PLCG2: variants seen among roughly 807,000 people sequenced by gnomAD.
The protein encoded by PLCG2 is phospholipase C gamma 2, also known as 1-phosphatidylinositol 4,5-bisphosphate phosphodiesterase gamma-2.
PLCG2 carries 69 observed loss-of-function variants against 175.6 expected under a neutral mutation model. The observed-to-expected ratio is 0.39, with a 90% CI of 0.32 to 0.48. The LOEUF is 0.48. PLCG2 is among the 20% of genes least tolerant of loss of function. The probability of loss-of-function intolerance (pLI) is 0.91; values close to 1 mark genes in which losing one functional copy is unlikely to be tolerated. For missense variants in PLCG2, 1,798 were observed against 1,650.9 expected, an observed-to-expected ratio of 1.09 and a Z score of -1.54; for synonymous variants, 827 against 624.0, an observed-to-expected ratio of 1.33 and a Z score of -4.85.
chr16:81,942,374 C>G (rs4485363), intron 30 of PLCG2, among the ~76,000 whole-genome samples: 151,120 of 152,356 alleles, frequency 0.99, 74,966 homozygotes, highest in East Asian at 1. Context: ...ATGTGACCTT[C>G]TCCTCCCCCG....
intron 1 of PLCG2, among the ~76,000 whole-genome samples, chr16:81,748,559 TA>T (rs1385279519): frequency 1.3e-5 from 2 of 152,104 alleles, no homozygotes; most frequent in African/African-American, 4.8e-5. Context: ...GAGGGGACAT[TA>T]GGGGTAAACA....
chr16:81,929,331 G>T (rs73596897), intron 24 of PLCG2, among the ~76,000 whole-genome samples: 7,855 of 152,296 alleles, frequency 0.052, 674 homozygotes, highest in African/African-American at 0.18. Flanking sequence ...CTAGGACTCA[G>T]GTGACAGCAG....
In PLCG2 at chr16:81,910,020, T is replaced by A. The variant is rs12927160; in HGVS notation, c.1734-500T>A. Among the ~76,000 whole-genome samples, 299 of 112,024 alleles carry A rather than the reference T, an allele frequency of 2.7e-3. 2 individuals are homozygous for A. Among genetic ancestry groups the A allele is most frequent in the Non-Finnish European group, 4.5e-3 (248 of 55,592 alleles). 73.5% of individuals were successfully genotyped at this position (112,024 alleles called of 152,430 possible). A position where few individuals can be genotyped will look rare whatever the true frequency, so the allele number is the denominator to read the frequency against. On this transcript the variant is annotated intron_variant, in intron 17 of 32. Transcript: ENST00000564138. ...AAAAGGGGGATGGGGTGGGGTGGGG[T>A]GGGGGAAGTAGGTAGAATGTTCTGG...
At chr16:81,865,787 CCAGGA>C (rs1907200793) in intron 5 of PLCG2, among the ~76,000 whole-genome samples, 1 of 150,220 alleles carries the variant, frequency 6.7e-6, no homozygotes. Context: ...TCCCTTGCTC[CCAGGA>C]TGGGCTCCAC....
chr16:81,757,992 T>C (rs1019930175), intron 2 of PLCG2, among the ~76,000 whole-genome samples: 3 of 152,232 alleles, frequency 2.0e-5, no homozygotes, highest in Non-Finnish European at 2.9e-5. Context: ...GTTTTGTTTT[T>C]TGAGGCACTG....
Position 81,952,171 on chromosome 16 carries a change from A to G in PLCG2, c.3571-4524A>G, listed in dbSNP as rs545751935. 1.1e-4 allele frequency among the ~76,000 whole-genome samples: 17 copies of G among 152,244 alleles called. No homozygotes were observed. In the South Asian group the frequency reaches 3.3e-3, roughly 30 times the overall value. Reference sequence around the variant, plus strand: ...AAATCTTATTAAAAAACAAAACACCATGTGAACAAGTAGAAATTTATACCA... The same window carrying G: ...AAATCTTATTAAAAAACAAAACACCGTGTGAACAAGTAGAAATTTATACCA... On this transcript the variant is annotated intron_variant, in intron 31 of 32. Coordinates refer to ENST00000564138, the MANE Select transcript of PLCG2 (RefSeq NM_002661.5).
chr16:81,837,402 G>C (rs1382642913), intron 2 of PLCG2, among the ~76,000 whole-genome samples: 1 of 152,224 alleles, frequency 6.6e-6, no homozygotes, highest in Admixed American at 6.5e-5. Context: ...CTGGGTTTCA[G>C]TGCCCAGCTT....
intron 9 of PLCG2, among the ~76,000 whole-genome samples, chr16:81,888,436 A>G (rs370514761): frequency 5.5e-4 from 84 of 152,336 alleles, no homozygotes; most frequent in Non-Finnish European, 9.9e-4. Context: ...CATGTTGGCC[A>G]GGCTGGTCTC....
intron 32 of PLCG2, among the ~76,000 whole-genome samples, chr16:81,957,250 G>C (rs1027779571): frequency 6.6e-6 from 1 of 151,686 alleles, no homozygotes; most frequent in African/African-American, 2.4e-5. Context: ...AGTGAGCCGA[G>C]ATCACACCAT....
rs77859761 is a variant in PLCG2, at chr16:81,959,610, T to C, written c.*1612T>C. 0.035 allele frequency: 6,783 copies of C among 194,238 alleles called. 167 individuals carry two copies. Among genetic ancestry groups the C allele is most frequent in the African/African-American group, 0.07 (3,040 of 43,274 alleles). 12.0% of individuals were successfully genotyped at this position (194,238 alleles called of 1,614,324 possible). On this transcript the variant is annotated 3_prime_UTR_variant, in exon 33 of 33. Coordinates refer to ENST00000564138, the MANE Select transcript of PLCG2 (RefSeq NM_002661.5). ...CTATCACTCCAGTTACTCCTCCAAC[T>C]GGGAGCTGCTATTTTATTTGGCAGT...
chr16:81,794,258 T>G (rs1911366027), intron 2 of PLCG2, among the ~76,000 whole-genome samples: 1 of 152,222 alleles, frequency 6.6e-6, no homozygotes, highest in African/African-American at 2.4e-5. Flanking sequence ...AAATCCACTC[T>G]TGGACTTCTT....
chr16:81,926,978 T>C, intron 22 of PLCG2, 104 bp from the exon 23 acceptor site: 1 of 749,372 alleles, frequency 1.3e-6, no homozygotes, highest in Non-Finnish European at 2.4e-6. Context: ...CCACTTGCTG[T>C]CTGTCCCCAT....
chr16:81,821,344 A>G (rs1288362536), intron 2 of PLCG2, among the ~76,000 whole-genome samples: 1 of 152,266 alleles, frequency 6.6e-6, no homozygotes, highest in Non-Finnish European at 1.5e-5. Flanking sequence ...ACCCCAAGGC[A>G]TAGTGGTGAA....
At chr16:81,910,123 C>T (rs1395992439) in intron 17 of PLCG2, among the ~76,000 whole-genome samples, 2 of 152,126 alleles carry the variant, frequency 1.3e-5, no homozygotes, top group Non-Finnish European at 2.9e-5. Flanking sequence ...TGGAGTCTCG[C>T]TCTGTCGCCC....
chr16:81,746,635 C>T (rs895561308), intron 1 of PLCG2, among the ~76,000 whole-genome samples: 1 of 152,260 alleles, frequency 6.6e-6, no homozygotes. Context: ...GAGCAATATA[C>T]ACTTCTGTGA....
intron 2 of PLCG2, among the ~76,000 whole-genome samples, chr16:81,811,797 C>G (rs1904331781): frequency 6.6e-6 from 1 of 152,166 alleles, no homozygotes; most frequent in Non-Finnish European, 1.5e-5. Flanking sequence ...GGTTCCATGT[C>G]TTTGCTCTTG....
Position 81,930,467 on chromosome 16 carries a change from G to T in PLCG2, c.2582-1030G>T, listed in dbSNP as rs1390675525. Among the ~76,000 whole-genome samples, 4 of 152,250 alleles carry T rather than the reference G, an allele frequency of 2.6e-5. No homozygotes were observed. The East Asian group carries it at 7.7e-4, about 29-fold the overall frequency. On this transcript the variant is annotated intron_variant, in intron 24 of 32. Coordinates refer to ENST00000564138, the MANE Select transcript of PLCG2 (RefSeq NM_002661.5). ...CTGCATCTGTTTTTAAAGCCATTTA[G>T]CTGGGTGTGGTGGCTCATTCCTGTA...
In PLCG2 at chr16:81,960,145, G is replaced by A. The variant is rs1372331878; in HGVS notation, c.*2147G>A. On this transcript the variant is annotated 3_prime_UTR_variant, in exon 33 of 33. Transcript: ENST00000564138. ...GCTACAACCGGAATCCACCATGAGA[G>A]AGTACTTTCTTCGGTTCTTTCCTCC... 1 of 220,542 alleles carries A rather than the reference G, an allele frequency of 4.5e-6. No individual in the cohort carries two copies. Among genetic ancestry groups the A allele is most frequent in the Non-Finnish European group, 9.1e-6 (1 of 110,212 alleles). 13.7% of individuals were successfully genotyped at this position (220,542 alleles called of 1,614,324 possible). A position where few individuals can be genotyped will look rare whatever the true frequency, so the allele number is the denominator to read the frequency against.
intron 1 of PLCG2, among the ~76,000 whole-genome samples, chr16:81,750,605 G>A (rs1815072624): frequency 6.8e-6 from 1 of 146,620 alleles, no homozygotes; most frequent in South Asian, 2.2e-4. Context: ...AAGAAAACGT[G>A]CCACATATTT....
Sources: allele counts gnomAD v4.1 joint callset (sites outside exome capture counted in the v4.1 genomes callset), GRCh38; gene constraint gnomAD v4.1.1; transcripts MANE v1.5; gene names NCBI Gene and HGNC (gene_info 2026-07-23, HGNC 2026-07-21).